COL12A1: variants seen among roughly 807,000 people sequenced by gnomAD.
COL12A1 encodes collagen alpha-1(XII) chain.
A neutral mutation model predicts 349.7 loss-of-function variants in COL12A1; 114 were observed. The observed-to-expected ratio is 0.33, with a 90% CI of 0.28 to 0.38. The LOEUF (loss-of-function observed/expected upper bound fraction) is 0.38. Ranked by LOEUF, COL12A1 falls within the 10% of genes least tolerant of loss-of-function variation. COL12A1 has a pLI of 1.00. For missense variants in COL12A1, 3,284 were observed against 3,756.9 expected (o/e 0.87, Z 3.29); for synonymous variants, 1,369 against 1,329.0 (o/e 1.03, Z -0.66).
intron 52 of COL12A1, among the ~76,000 whole-genome samples, chr6:75,108,386 C>G (rs1224710254): frequency 1.3e-5 from 2 of 152,094 alleles, no homozygotes; most frequent in African/African-American, 4.8e-5. Context: ...TGGTGCCTGG[C>G]TTTGATTGAC....
chr6:75,171,286 A>G (rs1426318284), intron 13 of COL12A1, among the ~76,000 whole-genome samples: 1 of 152,216 alleles, frequency 6.6e-6, no homozygotes, highest in African/African-American at 2.4e-5. Flanking sequence ...CTGAAATAGT[A>G]ATAAACTCTG....
chr6:75,157,926 G>A (rs1767840922), intron 14 of COL12A1, among the ~76,000 whole-genome samples: 1 of 152,144 alleles, frequency 6.6e-6, no homozygotes, highest in African/African-American at 2.4e-5. Flanking sequence ...TCTCAATAAT[G>A]GGGCAAAATT....
intron 59 of COL12A1, among the ~76,000 whole-genome samples, chr6:75,096,801 C>A (rs1398274987): frequency 6.9e-6 from 1 of 145,484 alleles, no homozygotes; most frequent in East Asian, 2.1e-4. Context: ...GAGGCTGAGG[C>A]AGGAGAATGG....
rs538185698 is a variant in COL12A1 at position 75,174,512 on chromosome 6, C to T, written c.2710+526G>A. ...CAGAGCTTGCAGTGAGCCGAGATAGCGCCACTGCAGTCCAGCCTGGGCGAA... is the reference window on the plus strand; with the variant it reads ...CAGAGCTTGCAGTGAGCCGAGATAGTGCCACTGCAGTCCAGCCTGGGCGAA... On this transcript the variant is annotated intron_variant, in intron 13 of 65. Transcript: ENST00000322507. Among the ~76,000 whole-genome samples, 11 of 152,216 alleles carry T rather than the reference C, an allele frequency of 7.2e-5. No individual in the cohort carries two copies. In the South Asian group the frequency reaches 1.0e-3, roughly 14 times the overall value.
intron 1 of COL12A1, among the ~76,000 whole-genome samples, chr6:75,204,698 G>A (rs1226286146): frequency 6.6e-6 from 1 of 151,836 alleles, no homozygotes; most frequent in Non-Finnish European, 1.5e-5. Flanking sequence ...AAGTGGACTC[G>A]TCCCCTTCTG....
Position 75,134,805 on chromosome 6 carries a change from T to A in COL12A1, c.5445A>T (p.Pro1815=), listed in dbSNP as rs1249793538. ...QNSVVLQKLK[P]DTPYTITVSS... ...ATACGGTGATAGTGTAAGGAGTGTC[T>A]GGCTTCAGTTTCTGCAGGACCACAC... The change falls in exon 32 of 66, where the codon CCA becomes CCT. Residue 1815 remains proline (P), a synonymous_variant. Coordinates refer to ENST00000322507, the MANE Select transcript of COL12A1 (RefSeq NM_004370.6). 1.7e-5 allele frequency: 27 copies of A among 1,613,422 alleles called. No homozygotes were observed. The highest frequency in any genetic ancestry group is 2.0e-5 in the Non-Finnish European group (24 of 1,179,586).
At chr6:75,181,640 A>C (rs1014843274) in intron 10 of COL12A1, among the ~76,000 whole-genome samples, 9 of 152,208 alleles carry the variant, frequency 5.9e-5, no homozygotes, top group Non-Finnish European at 1.3e-4. Flanking sequence ...CAAAGTAAAA[A>C]TTAAGGAATT....
rs182350626 is a variant in COL12A1, at chr6:75,172,133, G to T, written c.2710+2905C>A. 6.2e-4 allele frequency among the ~76,000 whole-genome samples: 95 copies of T among 152,230 alleles called. 1 individual carries two copies. Among genetic ancestry groups the T allele is most frequent in the Middle Eastern group, 6.9e-3 (2 of 290 alleles). Reference sequence around the variant, plus strand: ...AGAGATTGTTTCTTATCAAAGACACGTGCGTGTGTGTATACTCACACATGC... The same window carrying T: ...AGAGATTGTTTCTTATCAAAGACACTTGCGTGTGTGTATACTCACACATGC... On this transcript the variant is annotated intron_variant, in intron 13 of 65. Coordinates refer to ENST00000322507, the MANE Select transcript of COL12A1 (RefSeq NM_004370.6).
chr6:75,192,485 CATT>C (rs1457618459), intron 3 of COL12A1, 130 bp from the exon 4 acceptor site: 5 of 781,136 alleles, frequency 6.4e-6, no homozygotes, highest in Non-Finnish European at 9.7e-6. Flanking sequence ...GACACTCAAA[CATT>C]ATTTTTTACT....
Position 75,095,175 on chromosome 6 carries a change from C to G in COL12A1, c.8582G>C (p.Ser2861Thr), listed in dbSNP as rs148065232. 16 of 1,613,728 alleles carry G rather than the reference C, an allele frequency of 9.9e-6. No homozygotes were observed. Among genetic ancestry groups the G allele is most frequent in the African/African-American group, 1.3e-5 (1 of 75,002 alleles). ...GPRGPPGPPG[S>T]PGSPGVTGPS... Reference sequence around the variant, plus strand: ...TCCTGTGACTCCTGGGGAGCCTGGGCTTCCCTACAACACATGGAAAGGGAA... The same window carrying G: ...TCCTGTGACTCCTGGGGAGCCTGGGGTTCCCTACAACACATGGAAAGGGAA... Residue 2861 changes from serine (S) to threonine (T), a missense_variant, in exon 60 of 66, where the codon AGC becomes ACC. By Grantham distance (58) the Ser-to-Thr change is moderately conservative. Coordinates refer to ENST00000322507, the MANE Select transcript of COL12A1 (RefSeq NM_004370.6).
chr6:75,164,614 C>T (rs1768189342), intron 14 of COL12A1, among the ~76,000 whole-genome samples: 1 of 152,152 alleles, frequency 6.6e-6, no homozygotes, highest in Non-Finnish European at 1.5e-5. Flanking sequence ...AGAGATTGAG[C>T]AGAAGGTACA....
At chr6:75,154,113 A>T (rs2149420370) in intron 17 of COL12A1, among the ~76,000 whole-genome samples, 1 of 151,826 alleles carries the variant, frequency 6.6e-6, no homozygotes, top group African/African-American at 2.4e-5. Context: ...AAATTACTAC[A>T]TTAATTACAT....
Position 75,151,302 on chromosome 6 carries a change from A to G in COL12A1, c.4001-15T>C. 6.2e-7 allele frequency: 1 copy of G among 1,606,760 alleles called. No homozygotes were observed. Among genetic ancestry groups the G allele is most frequent in the Non-Finnish European group, 8.5e-7 (1 of 1,175,882 alleles). ...ATTTTTAATACCTTCAAAAACGGAT[A>G]TATACAAATTAAAAGCACTTCTCAG... On this transcript the variant is annotated splice_polypyrimidine_tract_variant and intron_variant, in intron 20 of 65. Coordinates refer to ENST00000322507, the MANE Select transcript of COL12A1 (RefSeq NM_004370.6).
Position 75,115,999 on chromosome 6 carries a change from C to T in COL12A1, c.7558+20G>A. ...TGCTTAAATCTGGAAATTAATTTGC[C>T]CCAAAGTATAAATGCTTACCTGGTG... On this transcript the variant is annotated intron_variant, in intron 48 of 65. Transcript: ENST00000322507. The T allele has an allele frequency of 1.9e-6, 3 of 1,613,022 alleles. No individual in the cohort carries two copies. Among genetic ancestry groups the T allele is most frequent in the Non-Finnish European group, 2.5e-6 (3 of 1,179,478 alleles).
chr6:75,145,456 CTGCACA>C lies in COL12A1; in HGVS notation c.4561-7_4561-2del, dbSNP rs1582127639. ...CATTCACTGTTGGCCCCAAACGCAC[CTGCACA>C]TGGATATGTGGAGCAGAAATAAGAT... On this transcript the variant is annotated splice_acceptor_variant and splice_polypyrimidine_tract_variant and intron_variant, in intron 24 of 65. Coordinates refer to ENST00000322507, the MANE Select transcript of COL12A1 (RefSeq NM_004370.6). LOFTEE classifies it high-confidence loss of function. 3 of 1,613,348 alleles carry C rather than the reference CTGCACA, an allele frequency of 1.9e-6. No homozygotes were observed. The highest frequency in any genetic ancestry group is 2.5e-6 in the Non-Finnish European group (3 of 1,179,566).
chr6:75,168,313 G>A (rs1317083913), intron 13 of COL12A1, among the ~76,000 whole-genome samples: 1 of 152,204 alleles, frequency 6.6e-6, no homozygotes, highest in South Asian at 2.1e-4. Context: ...CTCATGACAA[G>A]TAAATGTATA....
chr6:75,121,258 G>T, intron 44 of COL12A1, 44 bp downstream of exon 44: 2 of 1,475,090 alleles, frequency 1.4e-6, no homozygotes, highest in South Asian at 1.5e-5. Flanking sequence ...CAAAGGAAAG[G>T]CAAGACATCA....
At chr6:75,109,241 A>G (rs1485826671) in intron 51 of COL12A1, 74 bp from the exon 52 acceptor site, 7 of 1,093,372 alleles carry the variant, frequency 6.4e-6, no homozygotes, top group African/African-American at 1.7e-5. Flanking sequence ...AGTTTAGATC[A>G]GATTTTTTTG....
At position 75,113,316 on chromosome 6, in the gene COL12A1, G is replaced by A. The variant is rs926678990; in HGVS notation, c.7841-3C>T. On this transcript the variant is annotated splice_polypyrimidine_tract_variant and splice_region_variant and intron_variant, in intron 50 of 65. Coordinates refer to ENST00000322507, the MANE Select transcript of COL12A1 (RefSeq NM_004370.6). ...GAATGATAACGTCTTGCTAGAAGCT[G>A]TAATCAACATAAAAGTGTTATTAAA... 2.0e-6 allele frequency: 3 copies of A among 1,523,822 alleles called. No homozygotes were observed. The highest frequency in any genetic ancestry group is 2.4e-5 in the East Asian group (1 of 41,184). The allele number at this position is 1,523,822 out of a possible 1,614,324, so 94.4% of individuals were successfully genotyped here.
Sources: allele counts gnomAD v4.1 joint callset (sites outside exome capture counted in the v4.1 genomes callset), GRCh38; gene constraint gnomAD v4.1.1; transcripts MANE v1.5; gene names NCBI Gene and HGNC (gene_info 2026-07-23, HGNC 2026-07-21).